The following TSPAN33 variants were observed in gnomAD, a reference collection of about 807,000 sequenced individuals.
The protein encoded by TSPAN33 is tetraspanin-33.
In TSPAN33, 27 loss-of-function variants were observed where a neutral mutation model predicts 34.8. The observed-to-expected ratio is 0.78, with a 90% CI of 0.57 to 1.07. The LOEUF (loss-of-function observed/expected upper bound fraction) is 1.07, where lower values mean the gene tolerates loss of function less well. TSPAN33 is among the 50% of genes least tolerant of loss of function. TSPAN33 has a pLI of 0.00. For synonymous variants in TSPAN33, 119 were observed against 124.2 expected (o/e 0.96, Z 0.28); for missense variants, 272 against 324.9 (o/e 0.84, Z 1.25).
chr7:129,160,563 C>T (rs537574989), intron 1 of TSPAN33, among the ~76,000 whole-genome samples: 35 of 152,328 alleles, frequency 2.3e-4, no homozygotes, highest in African/African-American at 7.7e-4. Flanking sequence ...TGGGTTTGTT[C>T]TCTCAGGGAG....
intron 5 of TSPAN33, 57 bp downstream of exon 5, chr7:129,164,626 A>T: frequency 6.7e-7 from 1 of 1,492,498 alleles, no homozygotes; most frequent in Non-Finnish European, 9.3e-7. Context: ...TCATCCCAAG[A>T]GATGCCTCAC....
In TSPAN33 at chr7:129,162,513, C is replaced by A; in HGVS notation, c.280C>A (p.Leu94Met). The A allele has an allele frequency of 6.2e-7, 1 of 1,612,982 alleles. No individual in the cohort carries two copies. Among genetic ancestry groups the A allele is most frequent in the Non-Finnish European group, 8.5e-7 (1 of 1,180,020 alleles). Residue 94 changes from leucine to methionine, a missense_variant, in exon 3 of 8, where the codon CTG becomes ATG. Transcript: ENST00000486685. ...GTCCCTCCGCGAGAACATCTGCCTCCTGCAGACGGTGAGTGGTCAAGGCCC... is the reference window on the plus strand; with the variant it reads ...GTCCCTCCGCGAGAACATCTGCCTCATGCAGACGGTGAGTGGTCAAGGCCC... ...IGSLRENICL[L>M]QTFSLCLTAV...
At chr7:129,160,208 A>G (rs931241078) in intron 1 of TSPAN33, among the ~76,000 whole-genome samples, 1 of 152,220 alleles carries the variant, frequency 6.6e-6, no homozygotes, top group African/African-American at 2.4e-5. Flanking sequence ...TGAGGGACTC[A>G]TCTGACCCTA....
intron 1 of TSPAN33, among the ~76,000 whole-genome samples, chr7:129,155,635 A>C (rs1244145554): frequency 7.0e-6 from 1 of 142,996 alleles, no homozygotes; most frequent in Admixed American, 7.3e-5. Context: ...TAGTATTATC[A>C]TTATGGTCTA....
Position 129,162,731 on chromosome 7 carries a change from C to T in TSPAN33, c.289-102C>T. 2.8e-6 allele frequency: 4 copies of T among 1,446,304 alleles called. No homozygotes were observed. In the South Asian group the frequency reaches 4.9e-5, roughly 18 times the overall value. The allele number at this position is 1,446,304 out of a possible 1,614,324, so 89.6% of individuals were successfully genotyped here. On this transcript the variant is annotated intron_variant, in intron 3 of 7. Coordinates refer to ENST00000486685, the MANE Select transcript of TSPAN33 (RefSeq NM_178562.5). ...GCAGCTGCCTTTCTCATGTGTGGGG[C>T]ATCTGGGAGAATTGCCTGGCAGCTC...
chr7:129,166,987 C>A, intron 6 of TSPAN33, 81 bp downstream of exon 6: 1 of 1,503,634 alleles, frequency 6.7e-7, no homozygotes, highest in East Asian at 2.3e-5. Flanking sequence ...ACTGGGGATC[C>A]CCATCCCCTA....
intron 1 of TSPAN33, among the ~76,000 whole-genome samples, chr7:129,150,480 G>A (rs1049090374): frequency 6.6e-6 from 1 of 152,162 alleles, no homozygotes; most frequent in Non-Finnish European, 1.5e-5. Context: ...GCAAAATCCT[G>A]GGGGTACTGG....
Position 129,145,025 on chromosome 7 carries a change from C to T in TSPAN33, c.45C>T (p.Phe15=). 1 of 721,306 alleles carries T rather than the reference C, an allele frequency of 1.4e-6. No individual in the cohort carries two copies. The highest frequency in any genetic ancestry group is 1.5e-5 in the South Asian group (1 of 68,050). The allele number at this position is 721,306 out of a possible 1,614,324, so 44.7% of individuals were successfully genotyped here. ...PRAPAASGEE[F]SFVSPLVKYL... ...CGCCGGCCGCCTCCGGGGAGGAGTT[C>T]TCCTTCGTCAGCCCGCTGGTGAAAT... Residue 15 remains phenylalanine, a synonymous_variant, in exon 1 of 8, where the codon TTC becomes TTT. Transcript: ENST00000486685.
intron 1 of TSPAN33, among the ~76,000 whole-genome samples, chr7:129,158,146 T>G (rs1049705052): frequency 6.6e-6 from 1 of 152,212 alleles, no homozygotes; most frequent in Non-Finnish European, 1.5e-5. Flanking sequence ...ACTCTGGCCC[T>G]CTTGCCTCCT....
In TSPAN33 at chr7:129,167,317, G is replaced by C; in HGVS notation, c.589-82G>C. ...TCTGACAATTTAGGAGTTTGGGAAG[G>C]GTGGGAAGCCCATCAGCTAAGGCCC... is the stretch of plus-strand genomic sequence containing the variant. On this transcript the variant is annotated intron_variant, in intron 6 of 7. Transcript: ENST00000486685. This position sits in a 1 kb window ranked among gnomAD's most constrained non-coding sequence, Gnocchi z 4.6. 1 of 1,478,152 alleles carries C rather than the reference G, an allele frequency of 6.8e-7. No homozygotes were observed. Among genetic ancestry groups the C allele is most frequent in the Non-Finnish European group, 9.2e-7 (1 of 1,085,168 alleles). 91.6% of individuals were successfully genotyped at this position (1,478,152 alleles called of 1,614,324 possible). A position where few individuals can be genotyped will look rare whatever the true frequency, so the allele number is the denominator to read the frequency against.
chr7:129,150,965 C>T (rs981363772), intron 1 of TSPAN33, among the ~76,000 whole-genome samples: 2 of 152,116 alleles, frequency 1.3e-5, no homozygotes, highest in African/African-American at 4.8e-5. Flanking sequence ...AAGCAGGAGA[C>T]AATCATTATT....
chr7:129,154,058 A>G (rs1347313811), intron 1 of TSPAN33, among the ~76,000 whole-genome samples: 4 of 151,830 alleles, frequency 2.6e-5, no homozygotes, highest in Non-Finnish European at 5.9e-5. Context: ...TTAGCCAAGC[A>G]TGGTGGCTCA....
intron 1 of TSPAN33, among the ~76,000 whole-genome samples, chr7:129,156,307 T>C (rs532087204): frequency 1.3e-5 from 2 of 152,344 alleles, no homozygotes; most frequent in South Asian, 4.1e-4. Flanking sequence ...TCATTGTTGA[T>C]GTTGGCCTCG....
chr7:129,150,561 A>G (rs1012843848), intron 1 of TSPAN33, among the ~76,000 whole-genome samples: 1 of 152,178 alleles, frequency 6.6e-6, no homozygotes, highest in African/African-American at 2.4e-5. Context: ...CCTAGGTTCC[A>G]TTCCCACTTC....
chr7:129,169,460 C>A lies in TSPAN33; in HGVS notation c.*1586C>A, dbSNP rs1360036085. The A allele has an allele frequency of 9.2e-5, 14 of 152,264 alleles. No homozygotes were observed. In the East Asian group the frequency reaches 2.7e-3, roughly 29 times the overall value. The allele number at this position is 152,264 out of a possible 1,614,324, so 9.4% of individuals were successfully genotyped here. A position where few individuals can be genotyped will look rare whatever the true frequency, so the allele number is the denominator to read the frequency against. On this transcript the variant is annotated 3_prime_UTR_variant, in exon 8 of 8. Coordinates refer to ENST00000486685, the MANE Select transcript of TSPAN33 (RefSeq NM_178562.5). Reference sequence around the variant, plus strand: ...GCGAGTGTTCCCGGAGTCTCCTCGCCGCACCCCGCTATCGGGCGCTCAGAC... The same window carrying A: ...GCGAGTGTTCCCGGAGTCTCCTCGCAGCACCCCGCTATCGGGCGCTCAGAC...
At chr7:129,162,038 T>C (rs999840794) in intron 2 of TSPAN33, among the ~76,000 whole-genome samples, 3 of 152,242 alleles carry the variant, frequency 2.0e-5, no homozygotes, top group Non-Finnish European at 4.4e-5. Context: ...AGCTCTGTCC[T>C]GGAGAAACCC....
At position 129,144,914 on chromosome 7, in the gene TSPAN33, G is replaced by C. The variant is rs1211886706; in HGVS notation, c.-67G>C. ...CGGCTCGGCTCATGCCCCCGGGCGC[G>C]GGGCACACAGGCCGGCCGGCAGCCG... is the stretch of plus-strand genomic sequence containing the variant. On this transcript the variant is annotated 5_prime_UTR_variant, in exon 1 of 8. Transcript: ENST00000486685. 2 of 342,296 alleles carry C rather than the reference G, an allele frequency of 5.8e-6. No homozygotes were observed. The highest frequency in any genetic ancestry group is 1.1e-4 in the East Asian group (2 of 18,310). 21.2% of individuals were successfully genotyped at this position (342,296 alleles called of 1,614,324 possible).
intron 1 of TSPAN33, among the ~76,000 whole-genome samples, chr7:129,150,883 G>T (rs1383210213): frequency 6.6e-6 from 1 of 151,972 alleles, no homozygotes; most frequent in African/African-American, 2.4e-5. Context: ...AACCCTCTTT[G>T]CTCACATTCT....
intron 5 of TSPAN33, 102 bp downstream of exon 5, chr7:129,164,671 G>GGT (rs1422703641): frequency 2.8e-5 from 31 of 1,104,654 alleles, no homozygotes; most frequent in Non-Finnish European, 4.1e-5. Context: ...TTACCTGCCA[G>GGT]GTAATGGCTT....
Sources: allele counts gnomAD v4.1 joint callset (sites outside exome capture counted in the v4.1 genomes callset), GRCh38; gene constraint gnomAD v4.1.1; non-coding constraint Gnocchi (gnomAD v3.1); transcripts MANE v1.5; gene names NCBI Gene and HGNC (gene_info 2026-07-23, HGNC 2026-07-21).